FARP2: variants seen among roughly 807,000 people sequenced by gnomAD.
FARP2 encodes the protein FERM, ARH/RhoGEF and pleckstrin domain protein 2, also known as FERM, ARHGEF and pleckstrin domain-containing protein 2.
Under a neutral mutation model 130.5 loss-of-function variants are expected in FARP2, and 111 were observed. The ratio of observed to expected loss-of-function variants is 0.85; its 90% CI spans 0.73 to 1.00. The LOEUF (loss-of-function observed/expected upper bound fraction) is 1.00. Among genes scored for constraint, FARP2 ranks in the 50% least tolerant of loss-of-function variants. The pLI is 0.00. For synonymous variants in FARP2, 504 were observed against 516.9 expected (o/e 0.98, Z 0.34); for missense variants, 1,385 against 1,346.3 (o/e 1.03, Z -0.45).
chr2:241,394,853 G>A (rs189006413), intron 2 of FARP2, among the ~76,000 whole-genome samples: 131 of 152,312 alleles, frequency 8.6e-4, no homozygotes, highest in Non-Finnish European at 1.5e-3. Context: ...TTAAGAAGCT[G>A]TTTTGCACGC....
At chr2:241,493,957 G>A in intron 26 of FARP2, 51 bp from the exon 27 acceptor site, 1 of 1,162,038 alleles carries the variant, frequency 8.6e-7, no homozygotes, top group African/African-American at 1.6e-5. Context: ...TCTTGGGACA[G>A]TGTCTGAGCA....
chr2:241,401,729 GTTC>G (rs2062171016), intron 2 of FARP2, among the ~76,000 whole-genome samples: 1 of 151,004 alleles, frequency 6.6e-6, no homozygotes, highest in Admixed American at 6.6e-5. Context: ...AGAGTTCTGT[GTTC>G]TTTTTAAGGG....
At chr2:241,365,175 T>C in intron 1 of FARP2, among the ~76,000 whole-genome samples, 1 of 152,220 alleles carries the variant, frequency 6.6e-6, no homozygotes, top group Non-Finnish European at 1.5e-5. Context: ...TTTTGACTTG[T>C]GGAAAATTCC....
chr2:241,434,851 T>C lies in FARP2; in HGVS notation c.1032-111T>C, dbSNP rs532558445. 1.2e-5 allele frequency: 9 copies of C among 721,414 alleles called. No homozygotes were observed. The East Asian group carries it at 2.4e-4, about 19-fold the overall frequency. 44.7% of individuals were successfully genotyped at this position (721,414 alleles called of 1,614,324 possible). The stretch of plus-strand genomic sequence containing the variant: ...ACTCAGTCTCAAAAAATAAAATATA[T>C]GTGTGTATATTTATGAGAGAGGATG... On this transcript the variant is annotated intron_variant, in intron 10 of 26. Coordinates refer to ENST00000264042, the MANE Select transcript of FARP2 (RefSeq NM_014808.4).
intron 20 of FARP2, chr2:241,483,824 A>G (rs1057123362): frequency 8.1e-6 from 8 of 985,370 alleles, no homozygotes; most frequent in Admixed American, 1.2e-4. Context: ...TAAAGTCCAC[A>G]TACATGTGGC....
At chr2:241,490,269 C>T (rs1359282027) in intron 22 of FARP2, among the ~76,000 whole-genome samples, 1 of 152,224 alleles carries the variant, frequency 6.6e-6, no homozygotes, top group East Asian at 1.9e-4. Context: ...CCACAAGTGG[C>T]AGGCCCCAGT....
chr2:241,476,115 G>C (rs2064451576), intron 19 of FARP2, 128 bp downstream of exon 19: 2 of 713,706 alleles, frequency 2.8e-6, no homozygotes, highest in Non-Finnish European at 4.4e-6. Context: ...GCTCATACCT[G>C]TAATCTGAAT....
chr2:241,373,251 A>G lies in FARP2; in HGVS notation c.144A>G (p.Val48=). 1 of 1,533,916 alleles carries G rather than the reference A, an allele frequency of 6.5e-7. No individual in the cohort carries two copies. The highest frequency in any genetic ancestry group is 8.8e-7 in the Non-Finnish European group (1 of 1,133,536). ...AAGAGAAGCACCTGCACCTCAGAGT[A>G]AAGCTGCTGGACAACACCATGGAAA... The part of the protein sequence containing the change: ...RMQEKHLHLR[V]KLLDNTMEIF... The change falls in exon 2 of 27, where the codon GTA becomes GTG. Residue 48 remains valine (V), a synonymous_variant. Transcript: ENST00000264042.
intron 8 of FARP2, among the ~76,000 whole-genome samples, chr2:241,427,942 A>AT (rs1410159125): frequency 6.6e-6 from 1 of 151,728 alleles, no homozygotes; most frequent in Non-Finnish European, 1.5e-5. Context: ...AATTTTTTGT[A>AT]TTTTTAGTAG....
intron 2 of FARP2, among the ~76,000 whole-genome samples, chr2:241,380,072 C>T (rs940490022): frequency 2.0e-5 from 3 of 152,324 alleles, no homozygotes; most frequent in South Asian, 4.1e-4. Flanking sequence ...GATTACACAG[C>T]AAGGGCGACT....
intron 4 of FARP2, among the ~76,000 whole-genome samples, chr2:241,406,180 C>T (rs957195135): frequency 4.8e-5 from 7 of 145,518 alleles, no homozygotes; most frequent in Middle Eastern, 4.0e-3. Flanking sequence ...TGGTGGGGGG[C>T]GCCTGTAGTC....
intron 7 of FARP2, among the ~76,000 whole-genome samples, chr2:241,414,423 T>C (rs984474026): frequency 3.3e-5 from 5 of 152,124 alleles, no homozygotes; most frequent in Non-Finnish European, 7.4e-5. Flanking sequence ...AGATGCAGGT[T>C]TGTTTGTCAG....
chr2:241,463,524 C>A, intron 16 of FARP2, 56 bp downstream of exon 16: 1 of 1,559,704 alleles, frequency 6.4e-7, no homozygotes, highest in South Asian at 1.2e-5. Flanking sequence ...ATCATCACCG[C>A]TCTTAGGAAC....
rs1574928569 is a variant in FARP2 at position 241,494,807 on chromosome 2, C to T, written c.*682C>T. On this transcript the variant is annotated 3_prime_UTR_variant, in exon 27 of 27. Coordinates refer to ENST00000264042, the MANE Select transcript of FARP2 (RefSeq NM_014808.4). This position sits in a 1 kb window ranked among gnomAD's most constrained non-coding sequence, Gnocchi z 4.9. ...GATGGGCGACTGCTTTGTTCACACACATTTGATTAAAAATAAACAAACAGC... is the reference window on the plus strand; with the variant it reads ...GATGGGCGACTGCTTTGTTCACACATATTTGATTAAAAATAAACAAACAGC... 2.6e-5 allele frequency: 4 copies of T among 152,356 alleles called. No homozygotes were observed. Among genetic ancestry groups the T allele is most frequent in the African/African-American group, 9.6e-5 (4 of 41,566 alleles). 9.4% of individuals were successfully genotyped at this position (152,356 alleles called of 1,614,324 possible).
intron 2 of FARP2, among the ~76,000 whole-genome samples, chr2:241,390,269 T>C (rs892819742): frequency 6.6e-6 from 1 of 152,188 alleles, no homozygotes; most frequent in African/African-American, 2.4e-5. Context: ...GAGTTTCTTA[T>C]TTACCTTTTT....
Position 241,482,884 on chromosome 2 carries a change from T to C in FARP2, c.2263-581T>C, listed in dbSNP as rs144070328. ...ATACTGGCAGGATTCTTTTTTCTTA[T>C]CTAACGCCCTGTGGTGGACGAGGTG... On this transcript the variant is annotated intron_variant, in intron 19 of 26. Transcript: ENST00000264042. The surrounding 1 kb of genome is among the most constrained non-coding windows in gnomAD (Gnocchi z 4.6). Among the ~76,000 whole-genome samples, 131 of 152,258 alleles carry C rather than the reference T, an allele frequency of 8.6e-4. No homozygotes were observed. Among genetic ancestry groups the C allele is most frequent in the African/African-American group, 3.0e-3 (126 of 41,550 alleles).
At chr2:241,487,025 G>T (rs139612773) in intron 21 of FARP2, among the ~76,000 whole-genome samples, 23 of 152,260 alleles carry the variant, frequency 1.5e-4, no homozygotes, top group Middle Eastern at 3.4e-3. Context: ...GGCATTCCAT[G>T]CTTTTCCTCT....
At chr2:241,444,168 TTGA>T (rs3832160) in intron 13 of FARP2, 25,306 of 152,192 alleles carry the variant, frequency 0.17, 2,466 homozygotes, top group East Asian at 0.4. Context: ...ACCTGCCTTC[TTGA>T]TGCTTTAGGG....
chr2:241,473,262 G>A (rs2124843609), intron 18 of FARP2, among the ~76,000 whole-genome samples: 1 of 151,118 alleles, frequency 6.6e-6, no homozygotes, highest in Admixed American at 6.6e-5. Flanking sequence ...GCTCTATAGG[G>A]ACCCTGTTCT....
Sources: gnomAD v4.1 joint callset for allele counts (sites outside exome capture counted in the v4.1 genomes callset) on GRCh38, gnomAD v4.1.1 for gene constraint, Gnocchi (gnomAD v3.1) non-coding constraint, MANE v1.5 for transcripts, NCBI Gene and HGNC (gene_info 2026-07-23, HGNC 2026-07-21) for gene names.